SLC25A13: variants seen among roughly 807,000 people sequenced by gnomAD.
The protein encoded by SLC25A13 is solute carrier family 25 member 13.
In SLC25A13, 70 loss-of-function variants were observed where a neutral mutation model predicts 85.5. That is an observed-to-expected ratio of 0.82 (90% CI 0.68 to 1.00). The LOEUF is 1.00. SLC25A13 is among the 50% of genes least tolerant of loss of function. The probability of loss-of-function intolerance (pLI) is 0.00; values close to 1 mark genes in which losing one functional copy is unlikely to be tolerated. For synonymous variants in SLC25A13, 259 were observed against 288.7 expected (o/e 0.90, Z 1.04); for missense variants, 765 against 819.8 (o/e 0.93, Z 0.82).
chr7:96,283,610 G>C (rs1314780850), intron 2 of SLC25A13: 1 of 308,910 alleles, frequency 3.2e-6, no homozygotes, highest in Non-Finnish European at 6.4e-6. Flanking sequence ...CAAGACTCTT[G>C]CTAAGAGAAT....
rs779264532 is a variant in SLC25A13, at chr7:96,234,788, A to C, written c.328+14T>G. 19 of 1,595,632 alleles carry C rather than the reference A, an allele frequency of 1.2e-5. No individual in the cohort carries two copies. The highest frequency in any genetic ancestry group is 1.6e-5 in the Non-Finnish European group (19 of 1,163,370). ...CCACACTTACACAGACGTGCACAGA[A>C]GCATGCTTCTTACCAAAAGTTACTT... On this transcript the variant is annotated intron_variant, in intron 4 of 17. Coordinates refer to ENST00000265631, the MANE Select transcript of SLC25A13 (RefSeq NM_014251.3).
intron 4 of SLC25A13, among the ~76,000 whole-genome samples, chr7:96,209,647 T>A (rs1225375263): frequency 6.6e-6 from 1 of 152,176 alleles, no homozygotes; most frequent in African/African-American, 2.4e-5. Flanking sequence ...TAATCCCATT[T>A]AAGATGGGCC....
intron 13 of SLC25A13, among the ~76,000 whole-genome samples, chr7:96,166,227 G>A (rs759935916): frequency 2.6e-4 from 40 of 151,998 alleles, no homozygotes; most frequent in Non-Finnish European, 5.3e-4. Context: ...GCACACTCAC[G>A]CACACACATG....
chr7:96,300,335 A>G (rs765893797), intron 1 of SLC25A13, among the ~76,000 whole-genome samples: 7 of 152,174 alleles, frequency 4.6e-5, no homozygotes, highest in Non-Finnish European at 8.8e-5. Context: ...TGTGACTTGG[A>G]GGCCCTGACC....
chr7:96,306,420 C>T (rs1799745606), intron 1 of SLC25A13, among the ~76,000 whole-genome samples: 1 of 152,238 alleles, frequency 6.6e-6, no homozygotes, highest in Non-Finnish European at 1.5e-5. Context: ...CTTCTCCCAA[C>T]CTTCTTACTG....
chr7:96,286,642 G>A (rs986986678), intron 2 of SLC25A13, among the ~76,000 whole-genome samples: 4 of 152,076 alleles, frequency 2.6e-5, no homozygotes, highest in African/African-American at 9.7e-5. Flanking sequence ...GGCTTCTGGG[G>A]TTTTTTACAC....
At chr7:96,205,010 C>T (rs1020125989) in intron 5 of SLC25A13, among the ~76,000 whole-genome samples, 1 of 152,126 alleles carries the variant, frequency 6.6e-6, no homozygotes, top group Non-Finnish European at 1.5e-5. Context: ...CTGGGTTCAG[C>T]GATTCTCCTG....
At chr7:96,307,426 C>T (rs559719399) in intron 1 of SLC25A13, among the ~76,000 whole-genome samples, 57 of 152,142 alleles carry the variant, frequency 3.7e-4, no homozygotes, top group African/African-American at 1.3e-3. Flanking sequence ...ATTAGCCAGG[C>T]ATGGTGGCAT....
intron 4 of SLC25A13, among the ~76,000 whole-genome samples, chr7:96,222,193 C>T (rs1231463865): frequency 6.6e-6 from 1 of 152,138 alleles, no homozygotes. Context: ...AGTTACTAAA[C>T]TTACAATATA....
chr7:96,290,018 C>T (rs769734716), intron 2 of SLC25A13, among the ~76,000 whole-genome samples: 9 of 152,138 alleles, frequency 5.9e-5, no homozygotes, highest in Non-Finnish European at 1.2e-4. Flanking sequence ...AGAGAAAGGT[C>T]GGGTTACCCA....
intron 11 of SLC25A13, among the ~76,000 whole-genome samples, chr7:96,177,414 A>C (rs1026937723): frequency 6.6e-6 from 1 of 152,224 alleles, no homozygotes; most frequent in African/African-American, 2.4e-5. Flanking sequence ...GCAACTTTTC[A>C]CAATGTAATT....
At chr7:96,283,143 G>A (rs1275373287) in intron 2 of SLC25A13, among the ~76,000 whole-genome samples, 3 of 152,116 alleles carry the variant, frequency 2.0e-5, no homozygotes, top group Non-Finnish European at 4.4e-5. Flanking sequence ...AATAATGCTA[G>A]CTATATGCAA....
At chr7:96,144,809 G>A (rs773368288) in intron 14 of SLC25A13, among the ~76,000 whole-genome samples, 1 of 152,138 alleles carries the variant, frequency 6.6e-6, no homozygotes, top group African/African-American at 2.4e-5. Context: ...TTTGCAGGTA[G>A]TTTAACAGTC....
At chr7:96,261,686 T>C (rs1039231344) in intron 3 of SLC25A13, among the ~76,000 whole-genome samples, 1 of 152,194 alleles carries the variant, frequency 6.6e-6, no homozygotes, top group Admixed American at 6.6e-5. Flanking sequence ...GAAAGTTGGG[T>C]ACTATATCTC....
chr7:96,238,146 G>A (rs1418409354), intron 3 of SLC25A13, among the ~76,000 whole-genome samples: 1 of 152,126 alleles, frequency 6.6e-6, no homozygotes, highest in Admixed American at 6.5e-5. Flanking sequence ...CAATATGACT[G>A]GAGTCTTTTT....
intron 12 of SLC25A13, 149 bp from the exon 13 acceptor site, chr7:96,170,274 G>T: frequency 1.4e-6 from 1 of 721,060 alleles, no homozygotes; most frequent in Non-Finnish European, 2.4e-6. Context: ...TCTTAAAATA[G>T]TTTGAGAAGT....
chr7:96,171,702 G>A (rs759235789), intron 11 of SLC25A13, among the ~76,000 whole-genome samples, 178 bp from the exon 12 acceptor site: 12 of 152,090 alleles, frequency 7.9e-5, no homozygotes, highest in Non-Finnish European at 1.3e-4. Flanking sequence ...TCTAACAGCC[G>A]CATCAGTCCC....
intron 3 of SLC25A13, among the ~76,000 whole-genome samples, chr7:96,258,098 G>A (rs908639856): frequency 4.6e-5 from 7 of 151,902 alleles, no homozygotes; most frequent in East Asian, 1.9e-4. Flanking sequence ...TACGACAAAC[G>A]GACAGCCAAT....
intron 1 of SLC25A13, among the ~76,000 whole-genome samples, chr7:96,316,896 G>C (rs1478491619): frequency 6.6e-6 from 1 of 152,132 alleles, no homozygotes; most frequent in East Asian, 1.9e-4. Flanking sequence ...ACAGAGTGAG[G>C]CCACAGCTGC....
Sources: allele counts gnomAD v4.1 joint callset (sites outside exome capture counted in the v4.1 genomes callset), GRCh38; gene constraint gnomAD v4.1.1; transcripts MANE v1.5; gene names NCBI Gene and HGNC (gene_info 2026-07-23, HGNC 2026-07-21).